Variants in ADAM28 observed in about 807,000 individuals in gnomAD.
ADAM28 encodes ADAM metallopeptidase domain 28.
Under a neutral mutation model 101.2 loss-of-function variants are expected in ADAM28, and 105 were observed. The observed-to-expected ratio is 1.04, with a 90% confidence interval of 0.89 to 1.22. The LOEUF is 1.22. Among genes scored for constraint, ADAM28 ranks in the 50% most tolerant of loss-of-function variants. The probability of loss-of-function intolerance (pLI) is 0.00; values close to 1 mark genes in which losing one functional copy is unlikely to be tolerated. For synonymous variants in ADAM28, 322 were observed against 310.6 expected, an observed-to-expected ratio of 1.04 and a Z score of -0.39; for missense variants, 1,028 against 945.4, an observed-to-expected ratio of 1.09 and a Z score of -1.15.
At chr8:24,306,357 TAAATAA>T (rs1563270449) in intron 2 of ADAM28, among the ~76,000 whole-genome samples, 1,280 of 118,590 alleles carry the variant, frequency 0.011, 74 homozygotes, top group African/African-American at 0.036. Context: ...TACAAATAAA[TAAATAA>T]ATATATATAT....
At position 24,332,650 on chromosome 8, in the gene ADAM28, T is replaced by C; in HGVS notation, c.1282-10T>C. On this transcript the variant is annotated splice_polypyrimidine_tract_variant and intron_variant, in intron 12 of 22. Coordinates refer to ENST00000265769, the MANE Select transcript of ADAM28 (RefSeq NM_014265.6). ...ATGTTGCATTTACATTTGTTTCTCA[T>C]ATTTCTTAGGAATGTACCAATATTT... 1 of 1,443,132 alleles carries C rather than the reference T, an allele frequency of 6.9e-7. No individual in the cohort carries two copies. The highest frequency in any genetic ancestry group is 9.3e-7 in the Non-Finnish European group (1 of 1,078,354). The allele number at this position is 1,443,132 out of a possible 1,614,324, so 89.4% of individuals were successfully genotyped here.
chr8:24,319,900 A>C (rs1236843875), intron 6 of ADAM28, among the ~76,000 whole-genome samples: 1 of 152,014 alleles, frequency 6.6e-6, no homozygotes, highest in African/African-American at 2.4e-5. Flanking sequence ...TGCTGAAGTC[A>C]AACTTTCTCT....
intron 12 of ADAM28, 35 bp from the exon 13 acceptor site, chr8:24,332,625 A>T (rs1813498920): frequency 1.7e-5 from 22 of 1,278,890 alleles, no homozygotes; most frequent in Non-Finnish European, 2.2e-5. Flanking sequence ...CCAAAAAGTA[A>T]TGTTGCATTT....
At chr8:24,307,712 T>G (rs1054864776) in intron 2 of ADAM28, among the ~76,000 whole-genome samples, 1 of 152,178 alleles carries the variant, frequency 6.6e-6, no homozygotes, top group Admixed American at 6.5e-5. Flanking sequence ...GCTGGGAACT[T>G]AAATTCTAAA....
chr8:24,294,097 C>G lies in ADAM28; in HGVS notation c.-53C>G, dbSNP rs145997578. 1 of 1,604,120 alleles carries G rather than the reference C, an allele frequency of 6.2e-7. No individual in the cohort carries two copies. The highest frequency in any genetic ancestry group is 1.1e-5 in the South Asian group (1 of 90,854). On this transcript the variant is annotated 5_prime_UTR_variant, in exon 1 of 23. Coordinates refer to ENST00000265769, the MANE Select transcript of ADAM28 (RefSeq NM_014265.6). ...GGAGAGGAGGCAGGGACAGACCCAG[C>G]AGCACCCACCTGAGCGAGAAGAGCA...
At chr8:24,319,500 C>T (rs1248363525) in intron 6 of ADAM28, among the ~76,000 whole-genome samples, 2 of 151,924 alleles carry the variant, frequency 1.3e-5, no homozygotes, top group Non-Finnish European at 1.5e-5. Flanking sequence ...AAGTACATGT[C>T]TCATCAGATA....
At chr8:24,347,018 G>A (rs4512386) in intron 18 of ADAM28, 32,373 of 151,778 alleles carry the variant, frequency 0.21, 4,022 homozygotes, top group African/African-American at 0.34. Flanking sequence ...TTATCACCAA[G>A]AGTCTTTAAA....
intron 14 of ADAM28, among the ~76,000 whole-genome samples, chr8:24,336,667 C>T (rs1814131085): frequency 6.7e-6 from 1 of 150,180 alleles, no homozygotes; most frequent in Admixed American, 6.6e-5. Context: ...GCTTATATAC[C>T]TAAAATCTAA....
rs539275201 is a variant in ADAM28, at chr8:24,335,335, T to C, written c.1372-111T>C. 18 of 1,437,972 alleles carry C rather than the reference T, an allele frequency of 1.3e-5. No individual in the cohort carries two copies. In the South Asian group the frequency reaches 2.7e-4, roughly 21 times the overall value. The allele number at this position is 1,437,972 out of a possible 1,614,324, so 89.1% of individuals were successfully genotyped here. ...ATGTAAGCTTCAGTGAAATGACACC[T>C]CCAACTACTATGCCCAAAAAGTCCA... On this transcript the variant is annotated intron_variant, in intron 13 of 22. Transcript: ENST00000265769.
At chr8:24,325,887 A>AAAAAAAAAAAAAAAAAAAAAC (rs1812520408) in intron 9 of ADAM28, among the ~76,000 whole-genome samples, 1 of 135,916 alleles carries the variant, frequency 7.4e-6, no homozygotes, top group Non-Finnish European at 1.6e-5. Flanking sequence ...AAAAAAAAAA[A>AAAAAAAAAAAAAAAAAAAAAC]AAAAAAAAAA....
chr8:24,314,400 G>C (rs962049847), intron 6 of ADAM28, among the ~76,000 whole-genome samples: 1 of 152,074 alleles, frequency 6.6e-6, no homozygotes, highest in African/African-American at 2.4e-5. Context: ...CTAGTCATAG[G>C]AGATAAATGA....
In ADAM28 at chr8:24,343,527, T is replaced by C; in HGVS notation, c.1933T>C (p.Cys645Arg). Reference sequence around the variant, plus strand: ...CTAGGTGTGTGACCATGAGCTCCAGTGTCAATGTGAGGAAGGATGGATCCC... The same window carrying C: ...CTAGGTGTGTGACCATGAGCTCCAGCGTCAATGTGAGGAAGGATGGATCCC... The part of the protein sequence containing the change: ...GHAVCDHELQ[C>R]QCEEGWIPPD... Residue 645 changes from cysteine to arginine, a missense_variant, in exon 18 of 23, where the codon TGT (cysteine) becomes CGT (arginine). Transcript: ENST00000265769. 1 of 1,613,776 alleles carries C rather than the reference T, an allele frequency of 6.2e-7. No homozygotes were observed. Among genetic ancestry groups the C allele is most frequent in the East Asian group, 2.2e-5 (1 of 44,860 alleles).
At chr8:24,349,608 C>T (rs1328781577) in intron 18 of ADAM28, among the ~76,000 whole-genome samples, 1 of 152,120 alleles carries the variant, frequency 6.6e-6, no homozygotes, top group African/African-American at 2.4e-5. Flanking sequence ...CAAACATTAT[C>T]TAAGTATTCT....
intron 5 of ADAM28, among the ~76,000 whole-genome samples, chr8:24,311,886 C>T (rs370635579): frequency 3.5e-4 from 53 of 152,090 alleles, no homozygotes; most frequent in East Asian, 1.7e-3. Flanking sequence ...TTACAGATGC[C>T]CGCCACCACA....
chr8:24,311,959 G>A (rs771951467), intron 5 of ADAM28, among the ~76,000 whole-genome samples: 12 of 151,838 alleles, frequency 7.9e-5, no homozygotes, highest in South Asian at 2.1e-4. Context: ...GGTTGGTCTC[G>A]AACTCCTGAC....
At position 24,310,186 on chromosome 8, in the gene ADAM28, C is replaced by T. The variant is rs372777278; in HGVS notation, c.251C>T (p.Thr84Met). The part of the protein sequence containing the change: ...KNKNLLAPGY[T>M]ETYYNSTGKE... ...AGGAACCTCCTTGCACCAGGCTACA[C>T]GGAAACATATTATAATTCCACTGGA... Residue 84 changes from threonine (T) to methionine (M), a missense_variant, in exon 4 of 23, where the codon ACG becomes ATG. Thr to Met is a moderately conservative substitution (Grantham distance 81). Coordinates refer to ENST00000265769, the MANE Select transcript of ADAM28 (RefSeq NM_014265.6). The T allele has an allele frequency of 7.2e-5, 116 of 1,613,344 alleles. No homozygotes were observed. Among genetic ancestry groups the T allele is most frequent in the Admixed American group, 1.5e-4 (9 of 59,914 alleles).
chr8:24,309,107 TC>T (rs1337822671), intron 2 of ADAM28, among the ~76,000 whole-genome samples: 1 of 152,196 alleles, frequency 6.6e-6, no homozygotes. Flanking sequence ...CAAAACATCT[TC>T]TTTAAAATAA....
In ADAM28 at chr8:24,351,285, T is replaced by A. The variant is rs759192346; in HGVS notation, c.2153T>A (p.Met718Lys). 6.2e-7 allele frequency: 1 copy of A among 1,612,670 alleles called. No individual in the cohort carries two copies. Reference protein sequence around the residue: ...RPHKQKRKPQMVKAVQPQEMS... With the variant: ...RPHKQKRKPQKVKAVQPQEMS... ...CACAAACAGAAGAGGAAACCCCAGA[T>A]GGTAAAGGCTGTTCAACCCCAAGAG... Residue 718 changes from methionine to lysine, a missense_variant, in exon 20 of 23, where the codon ATG (methionine) becomes AAG (lysine). By Grantham distance (95) the Met-to-Lys change is moderately conservative. Transcript: ENST00000265769.
At chr8:24,329,758 C>G (rs1047696544) in intron 10 of ADAM28, among the ~76,000 whole-genome samples, 1 of 151,936 alleles carries the variant, frequency 6.6e-6, no homozygotes, top group Admixed American at 6.6e-5. Context: ...CAATTTCCTT[C>G]ATTATAGGAA....
Sources: allele counts gnomAD v4.1 joint callset (sites outside exome capture counted in the v4.1 genomes callset), GRCh38; gene constraint gnomAD v4.1.1; transcripts MANE v1.5; gene names NCBI Gene and HGNC (gene_info 2026-07-23, HGNC 2026-07-21).